Variants in EPB41L4A observed in about 807,000 individuals in gnomAD.
EPB41L4A encodes the protein band 4.1-like protein 4A.
Under a neutral mutation model 108.6 loss-of-function variants are expected in EPB41L4A, and 100 were observed. The observed-to-expected ratio is 0.92, with a 90% confidence interval of 0.78 to 1.09. EPB41L4A has a LOEUF of 1.09. Ranked by LOEUF, EPB41L4A falls within the 50% of genes least tolerant of loss-of-function variation. The pLI is 0.00. For missense variants in EPB41L4A, 1,030 were observed against 842.7 expected, an observed-to-expected ratio of 1.22 and a Z score of -2.75; for synonymous variants, 319 against 289.0, an observed-to-expected ratio of 1.10 and a Z score of -1.05.
At chr5:112,246,710 T>C (rs1446173935) in intron 9 of EPB41L4A, among the ~76,000 whole-genome samples, 4 of 152,224 alleles carry the variant, frequency 2.6e-5, no homozygotes, top group Non-Finnish European at 5.9e-5. Context: ...TCCCTTACCC[T>C]ATTTTGTCTG....
intron 1 of EPB41L4A, among the ~76,000 whole-genome samples, chr5:112,402,161 T>C (rs987703977): frequency 1.3e-5 from 2 of 152,146 alleles, no homozygotes; most frequent in Non-Finnish European, 2.9e-5. Context: ...GTTCTCATGA[T>C]AGTGAGTGAG....
chr5:112,392,766 C>A (rs1009873790), intron 1 of EPB41L4A: 7 of 152,218 alleles, frequency 4.6e-5, no homozygotes, highest in Non-Finnish European at 8.8e-5. Context: ...GAACTCTCCA[C>A]CCCAAATCAA....
chr5:112,333,395 G>C (rs821732), intron 1 of EPB41L4A, among the ~76,000 whole-genome samples: 55,812 of 152,004 alleles, frequency 0.37, 11,370 homozygotes, highest in African/African-American at 0.55. Flanking sequence ...GCTGGTCTCC[G>C]CAGGAAGCTG....
rs1216801845 is a variant in EPB41L4A at position 112,419,130 on chromosome 5, G to T, written c.-91C>A. The T allele has an allele frequency of 4.1e-6, 4 of 970,794 alleles. No homozygotes were observed. In the East Asian group the frequency reaches 1.1e-4, roughly 26 times the overall value. The allele number at this position is 970,794 out of a possible 1,614,324, so 60.1% of individuals were successfully genotyped here. The stretch of plus-strand genomic sequence containing the variant: ...CTCAAGCGCGATGCATTAATTTATT[G>T]TCCGCGCCGTGGCGAGGGTGAGACG... On this transcript the variant is annotated 5_prime_UTR_variant, in exon 1 of 23. Transcript: ENST00000261486.
intron 1 of EPB41L4A, among the ~76,000 whole-genome samples, chr5:112,318,484 A>C (rs1245551190): frequency 2.0e-5 from 3 of 152,126 alleles, no homozygotes; most frequent in Non-Finnish European, 2.9e-5. Context: ...AAGAAGTTGG[A>C]CTCAAGCCCA....
chr5:112,268,201 G>A (rs913088561), intron 4 of EPB41L4A, among the ~76,000 whole-genome samples: 1 of 152,188 alleles, frequency 6.6e-6, no homozygotes, highest in African/African-American at 2.4e-5. Flanking sequence ...GGCCAACACA[G>A]TGAAACTCTT....
intron 1 of EPB41L4A, among the ~76,000 whole-genome samples, chr5:112,403,668 G>A (rs1226192367): frequency 2.6e-5 from 4 of 152,072 alleles, no homozygotes; most frequent in Non-Finnish European, 4.4e-5. Context: ...GGGTCTCACC[G>A]TGTTGTCCAA....
chr5:112,235,173 T>G (rs1749242411), intron 11 of EPB41L4A, among the ~76,000 whole-genome samples: 1 of 152,098 alleles, frequency 6.6e-6, no homozygotes, highest in Admixed American at 6.5e-5. Context: ...ACAAGACCAC[T>G]CGGTATGATT....
rs534681263 is a variant in EPB41L4A, at chr5:112,292,801, T to TA, written c.205-12479dup. Among the ~76,000 whole-genome samples the TA allele has an allele frequency of 5.9e-3, 897 of 151,536 alleles. 3 individuals are homozygous for TA. Among genetic ancestry groups the TA allele is most frequent in the Middle Eastern group, 0.014 (4 of 294 alleles). On this transcript the variant is annotated intron_variant, in intron 2 of 22. Coordinates refer to ENST00000261486, the MANE Select transcript of EPB41L4A (RefSeq NM_022140.5). ...GAGCTTTGTGTCGAAACCCTAAATT[T>TA]AAAAAAAAACTAGTTTTCTAATGTC...
rs118082059 is a variant in EPB41L4A at position 112,297,891 on chromosome 5, T to C, written c.204+9495A>G. On this transcript the variant is annotated intron_variant, in intron 2 of 22. Coordinates refer to ENST00000261486, the MANE Select transcript of EPB41L4A (RefSeq NM_022140.5). The stretch of plus-strand genomic sequence containing the variant: ...GACTTGCCAATTATCCCAGCACCAT[T>C]TCCCCACTTTGTTTTTGTTTGCTTT... 6.3e-4 allele frequency among the ~76,000 whole-genome samples: 96 copies of C among 152,212 alleles called. 1 individual carries two copies. The East Asian group carries it at 0.016, about 26-fold the overall frequency.
At chr5:112,145,740 T>A in intron 13 of EPB41L4A, 1 of 316,456 alleles carries the variant, frequency 3.2e-6, no homozygotes, top group South Asian at 2.6e-5. Context: ...TTGATAAACG[T>A]GCATACAACA....
chr5:112,221,069 T>A (rs550024718), intron 12 of EPB41L4A, among the ~76,000 whole-genome samples: 1 of 152,338 alleles, frequency 6.6e-6, no homozygotes, highest in South Asian at 2.1e-4. Flanking sequence ...CTCTTGTTAA[T>A]CTTTTGTTAT....
At chr5:112,400,351 G>C (rs1033439638) in intron 1 of EPB41L4A, among the ~76,000 whole-genome samples, 1 of 151,886 alleles carries the variant, frequency 6.6e-6, no homozygotes, top group Non-Finnish European at 1.5e-5. Context: ...TGAGATTTGC[G>C]TAGGGACACA....
intron 12 of EPB41L4A, among the ~76,000 whole-genome samples, chr5:112,223,754 G>A (rs917419966): frequency 1.3e-5 from 2 of 152,168 alleles, no homozygotes; most frequent in African/African-American, 4.8e-5. Context: ...ACAAAGCTAT[G>A]CAAAAACTTT....
Position 112,418,965 on chromosome 5 carries a change from A to G in EPB41L4A, c.75T>C (p.Leu25=). The change falls in exon 1 of 23, where the codon CTT becomes CTC. Residue 25 remains leucine, a synonymous_variant. Transcript: ENST00000261486. ...VLLLDESKLT[L]TTQQQGIKKS... ...CCTTGATGCCCTGCTGCTGGGTGGT[A>G]AGGGTTAACTTGGATTCATCCAGGA... 1 of 1,612,736 alleles carries G rather than the reference A, an allele frequency of 6.2e-7. No homozygotes were observed. Among genetic ancestry groups the G allele is most frequent in the South Asian group, 1.1e-5 (1 of 91,010 alleles).
intron 1 of EPB41L4A, among the ~76,000 whole-genome samples, chr5:112,406,100 G>C (rs1256162670): frequency 6.6e-6 from 1 of 152,148 alleles, no homozygotes; most frequent in Non-Finnish European, 1.5e-5. Context: ...GTGTCTGAAA[G>C]AAAAAGAAGC....
intron 1 of EPB41L4A, among the ~76,000 whole-genome samples, chr5:112,353,950 G>T (rs1393883416): frequency 6.6e-6 from 1 of 152,198 alleles, no homozygotes; most frequent in African/African-American, 2.4e-5. Flanking sequence ...GATGTACACG[G>T]CAGCAGGCTG....
At chr5:112,236,145 A>AT (rs1048592933) in intron 11 of EPB41L4A, among the ~76,000 whole-genome samples, 2 of 152,180 alleles carry the variant, frequency 1.3e-5, no homozygotes, top group South Asian at 4.2e-4. Context: ...TCACAGTCAG[A>AT]TTTTTTTTAT....
At position 112,163,033 on chromosome 5, in the gene EPB41L4A, A is replaced by C. The variant is rs948300539; in HGVS notation, c.*1957T>G. 1 of 152,236 alleles carries C rather than the reference A, an allele frequency of 6.6e-6. No individual in the cohort carries two copies. Among genetic ancestry groups the C allele is most frequent in the African/African-American group, 2.4e-5 (1 of 41,462 alleles). 9.4% of individuals were successfully genotyped at this position (152,236 alleles called of 1,614,324 possible). ...AATGAGGCTGAAGAGGTAGGTAAAGAAGCCAGACCACTTCAGGCTCCCTCT... is the reference window on the plus strand; with the variant it reads ...AATGAGGCTGAAGAGGTAGGTAAAGCAGCCAGACCACTTCAGGCTCCCTCT... On this transcript the variant is annotated 3_prime_UTR_variant, in exon 23 of 23. Transcript: ENST00000261486.
Sources: allele counts gnomAD v4.1 joint callset (sites outside exome capture counted in the v4.1 genomes callset), GRCh38; gene constraint gnomAD v4.1.1; transcripts MANE v1.5; gene names NCBI Gene and HGNC (gene_info 2026-07-23, HGNC 2026-07-21).